The following SIRPB1 variants were observed in gnomAD, a reference collection of about 807,000 sequenced individuals.
SIRPB1 encodes the protein signal regulatory protein beta 1, also known as signal-regulatory protein beta-1.
Under a neutral mutation model 34.1 loss-of-function variants are expected in SIRPB1, and 28 were observed. The ratio of observed to expected loss-of-function variants is 0.82; its 90% CI spans 0.61 to 1.12. SIRPB1 has a LOEUF of 1.12. Ranked by LOEUF, SIRPB1 falls within the 50% of genes most tolerant of loss-of-function variation. The probability of loss-of-function intolerance (pLI) is 0.00; values close to 1 mark genes in which losing one functional copy is unlikely to be tolerated. For missense variants in SIRPB1, 499 were observed against 507.0 expected (o/e 0.98, Z 0.15); for synonymous variants, 211 against 203.8 (o/e 1.04, Z -0.30).
rs994784604 is a variant in SIRPB1 at position 1,571,280 on chromosome 20, A to G, written c.752-143T>C. 4 of 880,604 alleles carry G rather than the reference A, an allele frequency of 4.5e-6. No homozygotes were observed. In the Admixed American group the frequency reaches 8.6e-5, roughly 19 times the overall value. 54.5% of individuals were successfully genotyped at this position (880,604 alleles called of 1,614,324 possible). A position where few individuals can be genotyped will look rare whatever the true frequency, so the allele number is the denominator to read the frequency against. Reference sequence around the variant, plus strand: ...CAGCAGGTGCTCAGACATTGAGGGCACTCGTTGCATATGAGTGAAATTACT... The same window carrying G: ...CAGCAGGTGCTCAGACATTGAGGGCGCTCGTTGCATATGAGTGAAATTACT... On this transcript the variant is annotated intron_variant, in intron 3 of 5. Transcript: ENST00000381605.
intron 4 of SIRPB1, 140 bp downstream of exon 4, chr20:1,570,665 C>A: frequency 1.4e-6 from 1 of 713,708 alleles, no homozygotes; most frequent in East Asian, 2.7e-5. Flanking sequence ...TAGTGGTGAC[C>A]CATGGAGTGT....
At position 1,566,156 on chromosome 20, in the gene SIRPB1, C is replaced by T; in HGVS notation, c.1196G>A (p.Ter399=). The part of the protein sequence containing the change: ...AIYICWKQKA[*] ...GTCCTCCCTCTCCTAAACTTACAGT[C>T]AGGCCTTCTGTTTCCAGCAGATGTA... Residue 399 remains the stop codon, a stop_retained_variant, in exon 5 of 6, where the codon TGA becomes TAA. Transcript: ENST00000381605. 1 of 1,599,194 alleles carries T rather than the reference C, an allele frequency of 6.3e-7. No individual in the cohort carries two copies. Among genetic ancestry groups the T allele is most frequent in the South Asian group, 1.1e-5 (1 of 88,822 alleles).
intron 3 of SIRPB1, 71 bp from the exon 4 acceptor site, chr20:1,571,208 G>A (rs1760552188): frequency 7.6e-6 from 11 of 1,452,632 alleles, no homozygotes; most frequent in Non-Finnish European, 4.7e-6. Context: ...AAATAACGTA[G>A]CTCCCACCAA....
rs1371187560 is a variant in SIRPB1, at chr20:1,592,415, G to T, written c.77-13721C>A. ...GGCTGGTCTTGAACTCCTGACCTCA[G>T]GTGATCCGCCCGCCTCAGCCTCTCA... On this transcript the variant is annotated intron_variant, in intron 1 of 5. Coordinates refer to ENST00000381605, the MANE Select transcript of SIRPB1 (RefSeq NM_006065.5). 4.1e-5 allele frequency among the ~76,000 whole-genome samples: 2 copies of T among 48,258 alleles called. 1 individual carries two copies. Among genetic ancestry groups the T allele is most frequent in the Non-Finnish European group, 7.9e-5 (2 of 25,176 alleles). 31.7% of individuals were successfully genotyped at this position (48,258 alleles called of 152,430 possible).
rs2091110406 is a variant in SIRPB1 at position 1,565,122 on chromosome 20, G to A, written c.*378C>T. The A allele has an allele frequency of 2.5e-6, 1 of 398,528 alleles. No homozygotes were observed. Among genetic ancestry groups the A allele is most frequent in the Non-Finnish European group, 4.4e-6 (1 of 226,178 alleles). The allele number at this position is 398,528 out of a possible 1,614,324, so 24.7% of individuals were successfully genotyped here. A position where few individuals can be genotyped will look rare whatever the true frequency, so the allele number is the denominator to read the frequency against. On this transcript the variant is annotated 3_prime_UTR_variant, in exon 6 of 6. Transcript: ENST00000381605. ...GCAGTAGAGAACCTCAACAAGGCTG[G>A]GGGAGTTGGGGTAGGCAGGAATCCA...
chr20:1,572,042 A>G lies in SIRPB1; in HGVS notation c.434-5T>C. ...CCACGGGGGCAGAGGGTTTGGCTACAAAAGGACCATCGATAATCAGGAGAC... is the reference window on the plus strand; with the variant it reads ...CCACGGGGGCAGAGGGTTTGGCTACGAAAGGACCATCGATAATCAGGAGAC... On this transcript the variant is annotated splice_polypyrimidine_tract_variant and splice_region_variant and intron_variant, in intron 2 of 5. Transcript: ENST00000381605. 6.2e-7 allele frequency: 1 copy of G among 1,614,004 alleles called. No homozygotes were observed. The highest frequency in any genetic ancestry group is 2.2e-5 in the East Asian group (1 of 44,884).
rs2253693 is a variant in SIRPB1 at position 1,564,822 on chromosome 20, T to C, written c.*678A>G. On this transcript the variant is annotated 3_prime_UTR_variant, in exon 6 of 6. Transcript: ENST00000381605. The stretch of plus-strand genomic sequence containing the variant: ...CCATTGTTAAACATTTACCATCTCA[T>C]GTAAGTGGACACATGCATTTTGGAG... 132,097 of 397,882 alleles carry C rather than the reference T, an allele frequency of 0.33. 24,814 individuals are homozygous for C. The highest frequency in any genetic ancestry group is 0.4 in the Non-Finnish European group (89,494 of 225,828). The allele number at this position is 397,882 out of a possible 1,614,324, so 24.6% of individuals were successfully genotyped here. A position where few individuals can be genotyped will look rare whatever the true frequency, so the allele number is the denominator to read the frequency against.
chr20:1,601,525 TA>T (rs1448170168), intron 1 of SIRPB1, among the ~76,000 whole-genome samples: 1 of 49,328 alleles, frequency 2.0e-5, no homozygotes, highest in East Asian at 5.8e-4. Context: ...CACCACACCC[TA>T]GTGCACAATC....
In SIRPB1 at chr20:1,594,728, T is replaced by A. The variant is rs905546810; in HGVS notation, c.77-16034A>T. On this transcript the variant is annotated intron_variant, in intron 1 of 5. Transcript: ENST00000381605. ...ACTATTAACTTCTCTGTTTCTTGAG[T>A]TTCCTCAACTGTAAAATGGACATAA... is the stretch of plus-strand genomic sequence containing the variant. Among the ~76,000 whole-genome samples, 11 of 48,614 alleles carry A rather than the reference T, an allele frequency of 2.3e-4. 5 individuals carry two copies. Among genetic ancestry groups the A allele is most frequent in the Non-Finnish European group, 4.3e-4 (11 of 25,346 alleles). The allele number at this position is 48,614 out of a possible 152,430, so 31.9% of individuals were successfully genotyped here.
In SIRPB1 at chr20:1,589,754, C is replaced by A. The variant is rs973854614; in HGVS notation, c.77-11060G>T. ...CCACCAGTGGCTTTCTCCCAGCAAC[C>A]CAGGCCTCCTGAGACCCAGATTATA... On this transcript the variant is annotated intron_variant, in intron 1 of 5. Transcript: ENST00000381605. Among the ~76,000 whole-genome samples, 4 of 48,322 alleles carry A rather than the reference C, an allele frequency of 8.3e-5. 2 individuals carry two copies. The highest frequency in any genetic ancestry group is 1.6e-4 in the Non-Finnish European group (4 of 25,188). 31.7% of individuals were successfully genotyped at this position (48,322 alleles called of 152,430 possible).
rs762397944 is a variant in SIRPB1 at position 1,566,235 on chromosome 20, C to A, written c.1117G>T (p.Val373Leu). The A allele has an allele frequency of 8.1e-6, 13 of 1,610,936 alleles. No homozygotes were observed. The South Asian group carries it at 1.0e-4, about 12-fold the overall frequency. ...AGCTTGGGGCCCAGGAGGAGAGCTA[C>A]GAGGAGTGGAGCAGTAGGAGCCAGC... The part of the protein sequence containing the change: ...AALAPTAPLL[V>L]ALLLGPKLLL... Residue 373 changes from valine (V) to leucine (L), a missense_variant, in exon 5 of 6, where the codon GTA (valine) becomes TTA (leucine). Coordinates refer to ENST00000381605, the MANE Select transcript of SIRPB1 (RefSeq NM_006065.5).
rs1400951204 is a variant in SIRPB1, at chr20:1,571,743, G to GCAGT, written c.724_727dup (p.Ala243AspfsTer6). On this transcript the variant is annotated frameshift_variant, in exon 3 of 6. Transcript: ENST00000381605. LOFTEE classifies it high-confidence loss of function. Reference sequence around the variant, plus strand: ...ACCTCGGATGGCCTCAGACAAGTTGGCAGTCCCACGAAGAGGGTCCCCCTG... The same window carrying GCAGT: ...ACCTCGGATGGCCTCAGACAAGTTGGCAGTCAGTCCCACGAAGAGGGTCCCCCTG... 6.2e-7 allele frequency: 1 copy of GCAGT among 1,614,084 alleles called. No homozygotes were observed. Among genetic ancestry groups the GCAGT allele is most frequent in the Non-Finnish European group, 8.5e-7 (1 of 1,180,026 alleles).
chr20:1,578,360 T>C lies in SIRPB1; in HGVS notation c.411A>G (p.Ala137=), dbSNP rs550501307. 3 of 1,586,928 alleles carry C rather than the reference T, an allele frequency of 1.9e-6. No individual in the cohort carries two copies. The East Asian group carries it at 6.7e-5, about 35-fold the overall frequency. The change falls in exon 2 of 6, where the codon GCA becomes GCG. Residue 137 remains alanine (A), a synonymous_variant. Transcript: ENST00000381605. ...SPDDVEFKSG[A]GTELSVRAKP... ...CACCGCGCACAGACAGCTCAGTGCC[T>C]GCTCCAGACTTAAACTCCACGTCGT...
chr20:1,570,557 C>T (rs1459381560), intron 4 of SIRPB1: 1 of 393,534 alleles, frequency 2.5e-6, no homozygotes, highest in African/African-American at 2.1e-5. Context: ...GTCAAAATAT[C>T]TATCAAGTTG....
chr20:1,561,607 G>T lies in SIRPB1; in HGVS notation c.*3893C>A, dbSNP rs1258532458. Among the ~76,000 whole-genome samples, 2 of 152,074 alleles carry T rather than the reference G, an allele frequency of 1.3e-5. No homozygotes were observed. Among genetic ancestry groups the T allele is most frequent in the South Asian group, 2.1e-4 (1 of 4,822 alleles). On this transcript the variant is annotated 3_prime_UTR_variant, in exon 6 of 6. Transcript: ENST00000381605. ...GCAGAATGCCTCCTTATTGAAATTT[G>T]TCTGATGTTTTCCTCATGATTAGAT...
chr20:1,619,587 G>A (rs574734434), intron 1 of SIRPB1, among the ~76,000 whole-genome samples: 5 of 152,324 alleles, frequency 3.3e-5, no homozygotes, highest in South Asian at 2.1e-4. Flanking sequence ...GACTGGTGAG[G>A]ATTTAGATAA....
intron 1 of SIRPB1, among the ~76,000 whole-genome samples, chr20:1,618,034 CATATACATTCACAA>C (rs1291437319): frequency 6.6e-6 from 1 of 152,006 alleles, no homozygotes; most frequent in Non-Finnish European, 1.5e-5. Context: ...TAGACACACA[CATATACATTCACAA>C]ATATATATCA....
In SIRPB1 at chr20:1,563,034, G is replaced by A. The variant is rs953824118; in HGVS notation, c.*2466C>T. Among the ~76,000 whole-genome samples, 1 of 152,194 alleles carries A rather than the reference G, an allele frequency of 6.6e-6. No homozygotes were observed. Among genetic ancestry groups the A allele is most frequent in the Non-Finnish European group, 1.5e-5 (1 of 68,038 alleles). On this transcript the variant is annotated 3_prime_UTR_variant, in exon 6 of 6. Coordinates refer to ENST00000381605, the MANE Select transcript of SIRPB1 (RefSeq NM_006065.5). ...GCAAACTGCCACAAATGGGAGAGGA[G>A]TGGTAATAAAAGGGCTGAAGATGTC...
rs12479785 is a variant in SIRPB1 at position 1,580,723 on chromosome 20, A to G, written c.77-2029T>C. On this transcript the variant is annotated intron_variant, in intron 1 of 5. Transcript: ENST00000381605. ...CAAATGTATCAACATACACCTTACT[A>G]GAGTTCCAGGGGGAAAAAAGAGAAA... Among the ~76,000 whole-genome samples, 12 of 49,010 alleles carry G rather than the reference A, an allele frequency of 2.4e-4. 3 individuals carry two copies. The highest frequency in any genetic ancestry group is 1.6e-3 in the African/African-American group (12 of 7,402). 32.2% of individuals were successfully genotyped at this position (49,010 alleles called of 152,430 possible).
Sources: gnomAD v4.1 joint callset for allele counts (sites outside exome capture counted in the v4.1 genomes callset) on GRCh38, gnomAD v4.1.1 for gene constraint, MANE v1.5 for transcripts, NCBI Gene and HGNC (gene_info 2026-07-23, HGNC 2026-07-21) for gene names.